The following TBC1D5 variants were observed in gnomAD, a reference collection of about 807,000 sequenced individuals.
TBC1D5 encodes TBC1 domain family, member 5.
In TBC1D5, 75 loss-of-function variants were observed where a neutral mutation model predicts 100.3. That is an observed-to-expected ratio of 0.75 (90% CI 0.62 to 0.91). TBC1D5 has a LOEUF of 0.91. Ranked by LOEUF, TBC1D5 falls within the 40% of genes least tolerant of loss-of-function variation. The probability of loss-of-function intolerance (pLI) is 0.00; values close to 1 mark genes in which losing one functional copy is unlikely to be tolerated. For synonymous variants in TBC1D5, 323 were observed against 325.6 expected (o/e 0.99, Z 0.09); for missense variants, 910 against 942.4 (o/e 0.97, Z 0.45).
At chr3:17,615,478 C>T (rs556258886) in intron 2 of TBC1D5, among the ~76,000 whole-genome samples, 3 of 152,256 alleles carry the variant, frequency 2.0e-5, no homozygotes, top group African/African-American at 7.2e-5. Context: ...CCTCTTTGTA[C>T]CTCTGGTAGA....
chr3:17,473,981 G>A (rs150629430), intron 3 of TBC1D5, among the ~76,000 whole-genome samples: 47 of 151,974 alleles, frequency 3.1e-4, no homozygotes, highest in African/African-American at 1.1e-3. Context: ...TCCCACAAGG[G>A]GGAGGATGAG....
chr3:17,181,137 T>A (rs1317563316), intron 19 of TBC1D5, among the ~76,000 whole-genome samples: 1 of 152,184 alleles, frequency 6.6e-6, no homozygotes, highest in African/African-American at 2.4e-5. Context: ...AGAGGCATCA[T>A]TAAGTTCTGA....
chr3:17,515,247 G>A (rs1412345525), intron 2 of TBC1D5, among the ~76,000 whole-genome samples: 2 of 152,146 alleles, frequency 1.3e-5, no homozygotes, highest in Non-Finnish European at 2.9e-5. Context: ...CCAGGGGTAT[G>A]TTCAGGAACA....
At chr3:17,178,256 G>A (rs1402435797) in intron 19 of TBC1D5, among the ~76,000 whole-genome samples, 5 of 151,840 alleles carry the variant, frequency 3.3e-5, no homozygotes, top group Admixed American at 2.0e-4. Flanking sequence ...TAGTAGAGAC[G>A]GGGTTTCACC....
chr3:17,704,472 G>C (rs1277010922), intron 1 of TBC1D5, among the ~76,000 whole-genome samples: 1 of 143,646 alleles, frequency 7.0e-6, no homozygotes, highest in Non-Finnish European at 1.5e-5. Flanking sequence ...CGGGCAGAGG[G>C]GCTCCTCACT....
intron 1 of TBC1D5, among the ~76,000 whole-genome samples, chr3:17,735,999 C>T (rs2076938622): frequency 6.6e-6 from 1 of 152,222 alleles, no homozygotes; most frequent in Admixed American, 6.5e-5. Flanking sequence ...TTGTCCCTCC[C>T]ACTGTGCTCT....
intron 8 of TBC1D5, among the ~76,000 whole-genome samples, chr3:17,388,161 G>T (rs1300101535): frequency 6.6e-6 from 1 of 152,020 alleles, no homozygotes; most frequent in African/African-American, 2.4e-5. Flanking sequence ...AGACTCAACT[G>T]ATCAGTATTG....
chr3:17,612,281 C>T (rs1336480627), intron 2 of TBC1D5, among the ~76,000 whole-genome samples: 1 of 131,990 alleles, frequency 7.6e-6, no homozygotes, highest in Admixed American at 8.4e-5. Context: ...GCCTGGGTGA[C>T]AGACTAAGAC....
chr3:17,348,812 T>C (rs2090220641), intron 13 of TBC1D5, among the ~76,000 whole-genome samples: 1 of 152,190 alleles, frequency 6.6e-6, no homozygotes, highest in South Asian at 2.1e-4. Context: ...ATTCTAAGTG[T>C]ATTTTTTATG....
intron 14 of TBC1D5, among the ~76,000 whole-genome samples, chr3:17,297,586 A>AAG (rs1191756549): frequency 6.6e-6 from 1 of 151,730 alleles, no homozygotes; most frequent in Non-Finnish European, 1.5e-5. Context: ...AAAAAAAAAA[A>AAG]AATTTCTTTT....
intron 3 of TBC1D5, among the ~76,000 whole-genome samples, chr3:17,451,021 C>T (rs1019320744): frequency 4.6e-5 from 7 of 152,172 alleles, no homozygotes; most frequent in African/African-American, 1.4e-4. Flanking sequence ...ATCAGACTAA[C>T]AGCGGATCTC....
At chr3:17,723,219 G>A (rs2075845985) in intron 1 of TBC1D5, among the ~76,000 whole-genome samples, 1 of 151,984 alleles carries the variant, frequency 6.6e-6, no homozygotes, top group Non-Finnish European at 1.5e-5. Context: ...TTCAGGGGAT[G>A]GATACCCATT....
At chr3:17,683,793 G>A (rs1160930781) in intron 1 of TBC1D5, among the ~76,000 whole-genome samples, 1 of 152,146 alleles carries the variant, frequency 6.6e-6, no homozygotes, top group African/African-American at 2.4e-5. Context: ...TCACTGTGAA[G>A]ATCAACGAAT....
At chr3:17,646,325 T>G (rs2065010138) in intron 1 of TBC1D5, among the ~76,000 whole-genome samples, 1 of 152,142 alleles carries the variant, frequency 6.6e-6, no homozygotes, top group Non-Finnish European at 1.5e-5. Flanking sequence ...TCTCTAGAAC[T>G]GAAACAATAA....
chr3:17,732,351 A>G (rs1271275559), intron 1 of TBC1D5, among the ~76,000 whole-genome samples: 1 of 151,634 alleles, frequency 6.6e-6, no homozygotes, highest in Non-Finnish European at 1.5e-5. Flanking sequence ...AAGACTCTTC[A>G]GAAGCTTTTT....
At chr3:17,594,406 G>GA (rs1203829205) in intron 2 of TBC1D5, among the ~76,000 whole-genome samples, 2 of 152,090 alleles carry the variant, frequency 1.3e-5, no homozygotes, top group Non-Finnish European at 2.9e-5. Context: ...ACTCCACCAG[G>GA]AAAAAAACCA....
intron 18 of TBC1D5, among the ~76,000 whole-genome samples, chr3:17,211,529 T>C (rs1314154069): frequency 6.6e-6 from 1 of 152,226 alleles, no homozygotes; most frequent in Admixed American, 6.5e-5. Context: ...CTAATTCCTC[T>C]TTCAGAAGCT....
chr3:17,179,741 G>A (rs960374554), intron 19 of TBC1D5, among the ~76,000 whole-genome samples: 3 of 152,290 alleles, frequency 2.0e-5, no homozygotes, highest in Non-Finnish European at 2.9e-5. Context: ...ACAGAAGCAT[G>A]GGAAATCAAA....
intron 14 of TBC1D5, among the ~76,000 whole-genome samples, chr3:17,306,380 T>C (rs1225494307): frequency 6.6e-6 from 1 of 152,224 alleles, no homozygotes; most frequent in Non-Finnish European, 1.5e-5. Flanking sequence ...CAAATATTCA[T>C]TCTATTTTTA....
Sources: gnomAD v4.1 joint callset for allele counts (sites outside exome capture counted in the v4.1 genomes callset) on GRCh38, gnomAD v4.1.1 for gene constraint, MANE v1.5 for transcripts, NCBI Gene and HGNC (gene_info 2026-07-23, HGNC 2026-07-21) for gene names.